The following LRP1B variants were observed in gnomAD, a reference collection of about 807,000 sequenced individuals.
The protein encoded by LRP1B is low-density lipoprotein receptor-related protein 1B.
LRP1B carries 217 observed loss-of-function variants against 556.6 expected under a neutral mutation model. That is an observed-to-expected ratio of 0.39 (90% CI 0.35 to 0.44). The LOEUF is 0.44. LRP1B is among the 20% of genes least tolerant of loss of function. The pLI is 1.00. For missense variants in LRP1B, 5,053 were observed against 5,620.8 expected (o/e 0.90, Z 3.23); for synonymous variants, 2,047 against 1,865.8 (o/e 1.10, Z -2.50).
At chr2:140,483,435 C>A (rs77802570) in intron 59 of LRP1B, among the ~76,000 whole-genome samples, 2 of 151,246 alleles carry the variant, frequency 1.3e-5, no homozygotes, top group East Asian at 3.9e-4. Context: ...TAGAAAAGAC[C>A]ACAGACTGCT....
chr2:141,933,549 A>G (rs928289770), intron 1 of LRP1B, among the ~76,000 whole-genome samples: 5 of 152,176 alleles, frequency 3.3e-5, no homozygotes, highest in Admixed American at 2.6e-4. Context: ...TCATGAGTGT[A>G]AAGTATGAAC....
chr2:140,234,128 TA>T lies in LRP1B; in HGVS notation c.13659+657del, dbSNP rs1259837134. 5.3e-5 allele frequency among the ~76,000 whole-genome samples: 8 copies of T among 151,424 alleles called. No individual in the cohort carries two copies. In the Admixed American group the frequency reaches 5.3e-4, roughly 10 times the overall value. On this transcript the variant is annotated intron_variant, in intron 90 of 90. Coordinates refer to ENST00000389484, the MANE Select transcript of LRP1B (RefSeq NM_018557.3). ...AATCTTAGTTACAACAAGGAAACAT[TA>T]TAATCTTTGAGCCATGCAATTGAGA...
At chr2:140,542,357 C>T (rs1299915002) in intron 43 of LRP1B, among the ~76,000 whole-genome samples, 1 of 151,998 alleles carries the variant, frequency 6.6e-6, no homozygotes, top group Non-Finnish European at 1.5e-5. Context: ...ATCAAGTTCC[C>T]AGAACTACAT....
chr2:141,627,871 G>A (rs772759850), intron 2 of LRP1B, among the ~76,000 whole-genome samples: 1 of 152,178 alleles, frequency 6.6e-6, no homozygotes, highest in Non-Finnish European at 1.5e-5. Context: ...GGAGGCTGTC[G>A]GGAGTCGGGG....
chr2:140,477,909 T>G (rs1688039866), intron 59 of LRP1B, among the ~76,000 whole-genome samples: 1 of 152,078 alleles, frequency 6.6e-6, no homozygotes, highest in Admixed American at 6.6e-5. Context: ...TTAGCTCAAA[T>G]CAGAGTTTTT....
intron 3 of LRP1B, among the ~76,000 whole-genome samples, chr2:141,322,046 C>T (rs2105472867): frequency 6.6e-6 from 1 of 152,102 alleles, no homozygotes; most frequent in African/African-American, 2.4e-5. Flanking sequence ...TTCAGTGATC[C>T]CCTTGTTAAC....
intron 7 of LRP1B, 133 bp downstream of exon 7, chr2:141,188,288 C>A: frequency 3.6e-6 from 3 of 830,264 alleles, no homozygotes; most frequent in South Asian, 1.7e-5. Flanking sequence ...TCCTGCGACA[C>A]AGTTGTTAAA....
At chr2:140,429,294 A>G (rs182859183) in intron 66 of LRP1B, among the ~76,000 whole-genome samples, 1 of 152,026 alleles carries the variant, frequency 6.6e-6, no homozygotes. Flanking sequence ...TATCAACCAA[A>G]TTGTTTTGCC....
chr2:140,802,633 T>C (rs1278443292), intron 32 of LRP1B, among the ~76,000 whole-genome samples: 4 of 152,182 alleles, frequency 2.6e-5, no homozygotes, highest in Admixed American at 2.6e-4. Flanking sequence ...AGTGATGCTT[T>C]ATATGAGAAA....
At chr2:141,788,639 A>G (rs4583400) in intron 2 of LRP1B, among the ~76,000 whole-genome samples, 150,157 of 150,880 alleles carry the variant, frequency 1, 74,723 homozygotes, top group Middle Eastern at 1. Context: ...CTGTTAACTC[A>G]TCATTTAACA....
intron 23 of LRP1B, among the ~76,000 whole-genome samples, chr2:140,897,431 A>G (rs922527322): frequency 2.6e-5 from 4 of 152,184 alleles, no homozygotes; most frequent in African/African-American, 9.7e-5. Flanking sequence ...ATAAAGCCTA[A>G]AAATATTATT....
At chr2:140,604,084 C>T (rs931153664) in intron 41 of LRP1B, among the ~76,000 whole-genome samples, 3 of 152,082 alleles carry the variant, frequency 2.0e-5, no homozygotes, top group South Asian at 2.1e-4. Context: ...AATAAAATGC[C>T]TATCTACCCA....
intron 2 of LRP1B, among the ~76,000 whole-genome samples, chr2:141,574,727 C>G (rs1434314554): frequency 1.3e-5 from 2 of 152,106 alleles, no homozygotes; most frequent in Non-Finnish European, 2.9e-5. Flanking sequence ...AGCCTAAAAA[C>G]TCCTTGAACT....
At chr2:140,340,198 A>G (rs1681302849) in intron 77 of LRP1B, among the ~76,000 whole-genome samples, 1 of 151,578 alleles carries the variant, frequency 6.6e-6, no homozygotes, top group African/African-American at 2.4e-5. Context: ...AAACAAAGAT[A>G]TCACAGATGA....
chr2:141,047,245 T>G (rs1247054704), intron 11 of LRP1B, among the ~76,000 whole-genome samples: 1 of 152,060 alleles, frequency 6.6e-6, no homozygotes, highest in Non-Finnish European at 1.5e-5. Flanking sequence ...CAATTTAAAG[T>G]GAAAATCTTA....
intron 2 of LRP1B, among the ~76,000 whole-genome samples, chr2:141,570,681 A>C (rs890319362): frequency 6.6e-6 from 1 of 151,266 alleles, no homozygotes; most frequent in African/African-American, 2.4e-5. Context: ...GGCGGCATCC[A>C]TCTCTATAGC....
At chr2:140,322,907 A>C (rs552815211) in intron 81 of LRP1B, among the ~76,000 whole-genome samples, 2 of 147,358 alleles carry the variant, frequency 1.4e-5, no homozygotes, top group East Asian at 3.9e-4. Context: ...TTCAACTATG[A>C]ATATAAAAAA....
Position 142,115,694 on chromosome 2 carries a change from TAATATATATATAATATATATGTAA to T in LRP1B, c.82+14930_82+14953del. On this transcript the variant is annotated intron_variant, in intron 1 of 90. Transcript: ENST00000389484. ...ATGTAATATATATATAATATATATG[TAATATATATATAATATATATGTAA>T]TATATATATAATATATATGTAATAT... Among the ~76,000 whole-genome samples the T allele has an allele frequency of 9.9e-5, 2 of 20,162 alleles. 1 individual carries two copies. Among genetic ancestry groups the T allele is most frequent in the African/African-American group, 2.9e-4 (2 of 6,952 alleles). 13.2% of individuals were successfully genotyped at this position (20,162 alleles called of 152,430 possible). A position where few individuals can be genotyped will look rare whatever the true frequency, so the allele number is the denominator to read the frequency against.
intron 1 of LRP1B, among the ~76,000 whole-genome samples, chr2:142,052,757 G>C (rs1357417527): frequency 3.3e-5 from 5 of 152,050 alleles, no homozygotes; most frequent in African/African-American, 4.8e-5. Context: ...TTTAACATGT[G>C]TGAAGATCTC....
Sources: allele counts gnomAD v4.1 joint callset (sites outside exome capture counted in the v4.1 genomes callset), GRCh38; gene constraint gnomAD v4.1.1; transcripts MANE v1.5; gene names NCBI Gene and HGNC (gene_info 2026-07-23, HGNC 2026-07-21).